CACNB2: variants seen among roughly 807,000 people sequenced by gnomAD.
The protein encoded by CACNB2 is calcium voltage-gated channel auxiliary subunit beta 2.
CACNB2 carries 42 observed loss-of-function variants against 73.3 expected under a neutral mutation model. That is an observed-to-expected ratio of 0.57 (90% CI 0.45 to 0.74). CACNB2 has a LOEUF of 0.74. Among genes scored for constraint, CACNB2 ranks in the 30% least tolerant of loss-of-function variants. CACNB2 has a pLI of 0.00. For missense variants in CACNB2, 940 were observed against 853.0 expected (o/e 1.10, Z -1.27); for synonymous variants, 348 against 310.3 (o/e 1.12, Z -1.28).
chr10:18,536,091 T>G lies in CACNB2; in HGVS notation c.1207-10T>G. 1 of 1,539,584 alleles carries G rather than the reference T, an allele frequency of 6.5e-7. No individual in the cohort carries two copies. The highest frequency in any genetic ancestry group is 9.0e-7 in the Non-Finnish European group (1 of 1,112,636). Reference sequence around the variant, plus strand: ...TTATTACTCTGTTAAAAACTCATTATCTTTTACAGGTTTTACAAAGGTTAA... The same window carrying G: ...TTATTACTCTGTTAAAAACTCATTAGCTTTTACAGGTTTTACAAAGGTTAA... On this transcript the variant is annotated splice_polypyrimidine_tract_variant and intron_variant, in intron 11 of 13. Transcript: ENST00000324631.
At chr10:18,493,062 A>G (rs1757782473) in intron 3 of CACNB2, among the ~76,000 whole-genome samples, 2 of 152,252 alleles carry the variant, frequency 1.3e-5, no homozygotes, top group South Asian at 4.1e-4. Flanking sequence ...TTAAAAAGCA[A>G]TAGAATTGAA....
intron 2 of CACNB2, among the ~76,000 whole-genome samples, chr10:18,204,760 A>C (rs747537113): frequency 3.9e-5 from 6 of 152,216 alleles, no homozygotes; most frequent in Non-Finnish European, 5.9e-5. Context: ...ATATCCAGAC[A>C]AACAGCCTAG....
At chr10:18,286,916 G>A (rs541739702) in intron 2 of CACNB2, among the ~76,000 whole-genome samples, 45 of 152,212 alleles carry the variant, frequency 3.0e-4, no homozygotes, top group Middle Eastern at 3.4e-3. Context: ...CCTATTAATC[G>A]ACCCCATAGG....
At chr10:18,515,662 T>C (rs1400756406) in intron 7 of CACNB2, among the ~76,000 whole-genome samples, 1 of 152,214 alleles carries the variant, frequency 6.6e-6, no homozygotes, top group Non-Finnish European at 1.5e-5. Context: ...TGTGTTAACA[T>C]AGCCTCAGCT....
At chr10:18,494,901 G>GT (rs924221328) in intron 3 of CACNB2, among the ~76,000 whole-genome samples, 2 of 151,704 alleles carry the variant, frequency 1.3e-5, no homozygotes, top group African/African-American at 4.8e-5. Flanking sequence ...TCTCTACAAA[G>GT]TTTTTTTAAA....
chr10:18,170,123 A>T (rs1588608650), intron 2 of CACNB2, among the ~76,000 whole-genome samples: 1 of 152,180 alleles, frequency 6.6e-6, no homozygotes, highest in Non-Finnish European at 1.5e-5. Context: ...GGGATCTGTG[A>T]CCCACTGATG....
chr10:18,371,254 G>A (rs1027097870), intron 2 of CACNB2, among the ~76,000 whole-genome samples: 3 of 151,614 alleles, frequency 2.0e-5, no homozygotes, highest in Non-Finnish European at 2.9e-5. Flanking sequence ...TGTACACAAC[G>A]TGCAGGTTTG....
intron 13 of CACNB2, 182 bp from the exon 14 acceptor site, chr10:18,539,048 A>ATATAG (rs2053887089): frequency 1.4e-6 from 1 of 711,134 alleles, no homozygotes; most frequent in African/African-American, 1.8e-5. Flanking sequence ...GTCCAATTTA[A>ATATAG]TATAGTATAG....
chr10:18,316,051 A>G (rs143649424), intron 2 of CACNB2, among the ~76,000 whole-genome samples: 280 of 152,306 alleles, frequency 1.8e-3, no homozygotes, highest in African/African-American at 6.4e-3. Flanking sequence ...GTATTTGACA[A>G]CTGACTCTCC....
chr10:18,202,570 A>G (rs1384990398), intron 2 of CACNB2, among the ~76,000 whole-genome samples: 2 of 152,212 alleles, frequency 1.3e-5, no homozygotes, highest in African/African-American at 4.8e-5. Flanking sequence ...TACACAATCT[A>G]TAAGGGCTTA....
intron 9 of CACNB2, 132 bp from the exon 10 acceptor site, chr10:18,527,455 AT>A: frequency 1.5e-6 from 1 of 677,798 alleles, no homozygotes; most frequent in South Asian, 1.6e-5. Context: ...ATAAGTAAGT[AT>A]CCTAACACAT....
intron 2 of CACNB2, among the ~76,000 whole-genome samples, chr10:18,199,795 A>G (rs2034792908): frequency 6.6e-6 from 1 of 152,180 alleles, no homozygotes; most frequent in Admixed American, 6.6e-5. Context: ...CCAGAGAAGA[A>G]GCTATTACAG....
In CACNB2 at chr10:18,443,341, G is replaced by A. The variant is rs574017742; in HGVS notation, c.333+41298G>A. Among the ~76,000 whole-genome samples, 360 of 151,936 alleles carry A rather than the reference G, an allele frequency of 2.4e-3. 1 individual carries two copies. The highest frequency in any genetic ancestry group is 3.2e-3 in the Non-Finnish European group (218 of 67,976). On this transcript the variant is annotated intron_variant, in intron 3 of 13. Transcript: ENST00000324631. ...CACTCATCAGTTCACCTGGAGTACCGGAGGCACGTTTTCAGGTTGACTAGG... is the reference window on the plus strand; with the variant it reads ...CACTCATCAGTTCACCTGGAGTACCAGAGGCACGTTTTCAGGTTGACTAGG...
chr10:18,399,874 A>T (rs527496588), intron 2 of CACNB2, among the ~76,000 whole-genome samples: 1 of 152,330 alleles, frequency 6.6e-6, no homozygotes, highest in South Asian at 2.1e-4. Context: ...GAAATTAATA[A>T]CTTTAGTGTC....
intron 2 of CACNB2, among the ~76,000 whole-genome samples, chr10:18,382,957 A>G (rs1371882305): frequency 6.6e-6 from 1 of 152,192 alleles, no homozygotes; most frequent in Non-Finnish European, 1.5e-5. Context: ...TCTTTAATGA[A>G]TTGCCACAAG....
At chr10:18,260,452 G>T in intron 2 of CACNB2, 3 of 985,442 alleles carry the variant, frequency 3.0e-6, no homozygotes, top group Non-Finnish European at 2.4e-6. Flanking sequence ...TTGCCAGCGA[G>T]CACCAAACAA....
rs762982462 is a variant in CACNB2, at chr10:18,464,418, T to TAAA, written c.334-33917_334-33915dup. ...CAGAGTGAGACCCTGTCTCAAAAAT[T>TAAA]AAAAAAAAAAAAAAAAAAAAAAGAA... On this transcript the variant is annotated intron_variant, in intron 3 of 13. Coordinates refer to ENST00000324631, the MANE Select transcript of CACNB2 (RefSeq NM_201596.3). Among the ~76,000 whole-genome samples the TAAA allele has an allele frequency of 1.2e-3, 105 of 85,292 alleles. 2 individuals carry two copies. The highest frequency in any genetic ancestry group is 7.3e-3 in the East Asian group (18 of 2,476). 56.0% of individuals were successfully genotyped at this position (85,292 alleles called of 152,430 possible).
intron 2 of CACNB2, among the ~76,000 whole-genome samples, chr10:18,325,970 C>G (rs947728009): frequency 6.6e-6 from 1 of 151,954 alleles, no homozygotes; most frequent in Admixed American, 6.6e-5. Context: ...GTCTTGAACT[C>G]CTGGGCTCAA....
At chr10:18,248,826 T>G (rs952464561) in intron 2 of CACNB2, among the ~76,000 whole-genome samples, 3 of 152,158 alleles carry the variant, frequency 2.0e-5, no homozygotes, top group Non-Finnish European at 4.4e-5. Context: ...TCTCTGTTCC[T>G]CTCTCCCTCT....
Sources: gnomAD v4.1 joint callset for allele counts (sites outside exome capture counted in the v4.1 genomes callset) on GRCh38, gnomAD v4.1.1 for gene constraint, MANE v1.5 for transcripts, NCBI Gene and HGNC (gene_info 2026-07-23, HGNC 2026-07-21) for gene names.